REV3L: variants seen among roughly 807,000 people sequenced by gnomAD.
The protein encoded by REV3L is REV3 like, DNA directed polymerase zeta catalytic subunit.
A neutral mutation model predicts 299.4 loss-of-function variants in REV3L; 69 were observed. The ratio of observed to expected loss-of-function variants is 0.23; its 90% CI spans 0.19 to 0.28. The LOEUF (loss-of-function observed/expected upper bound fraction) is 0.28, where lower values mean the gene tolerates loss of function less well. REV3L is among the 10% of genes least tolerant of loss of function. The pLI is 1.00. For missense variants in REV3L, 3,128 were observed against 3,693.8 expected, an observed-to-expected ratio of 0.85 and a Z score of 3.97; for synonymous variants, 1,238 against 1,271.4, an observed-to-expected ratio of 0.97 and a Z score of 0.56.
intron 9 of REV3L, among the ~76,000 whole-genome samples, chr6:111,383,222 G>C (rs1262625473): frequency 6.6e-6 from 1 of 152,178 alleles, no homozygotes; most frequent in East Asian, 1.9e-4. Context: ...AACAAGACAA[G>C]GATGCCTAGT....
chr6:111,379,522 A>C (rs1780619706), intron 11 of REV3L, among the ~76,000 whole-genome samples: 1 of 152,230 alleles, frequency 6.6e-6, no homozygotes, highest in South Asian at 2.1e-4. Context: ...ACAAACCACA[A>C]CACCAGTGTT....
At chr6:111,385,476 G>GT in intron 9 of REV3L, among the ~76,000 whole-genome samples, 1 of 152,166 alleles carries the variant, frequency 6.6e-6, no homozygotes, top group South Asian at 2.1e-4. Flanking sequence ...GTAAGCACAC[G>GT]TAAGCCTTAA....
intron 2 of REV3L, among the ~76,000 whole-genome samples, chr6:111,416,034 A>G (rs1259714652): frequency 1.3e-5 from 2 of 152,206 alleles, no homozygotes; most frequent in Non-Finnish European, 2.9e-5. Flanking sequence ...ATAAATTACT[A>G]TATGAATTAC....
At chr6:111,392,622 T>C (rs2128256383) in intron 5 of REV3L, 1 of 268,518 alleles carries the variant, frequency 3.7e-6, no homozygotes, top group Non-Finnish European at 7.0e-6. Flanking sequence ...AAGATGAATG[T>C]TGCAGAAAAG....
intron 11 of REV3L, among the ~76,000 whole-genome samples, chr6:111,378,050 T>C (rs949741188): frequency 6.6e-6 from 1 of 152,242 alleles, no homozygotes. Flanking sequence ...TAACATGTCT[T>C]ACTATAGTAA....
At chr6:111,422,448 T>G (rs1005270072) in intron 1 of REV3L, among the ~76,000 whole-genome samples, 3 of 151,276 alleles carry the variant, frequency 2.0e-5, no homozygotes, top group African/African-American at 7.3e-5. Context: ...GTGTATTTCC[T>G]AGTATAAGAA....
chr6:111,303,701 C>CTTTTTTTTTTTTTTT lies in REV3L; in HGVS notation c.9253-3560_9253-3546dup, dbSNP rs58366929. On this transcript the variant is annotated intron_variant, in intron 31 of 31. Transcript: ENST00000368802. Reference sequence around the variant, plus strand: ...TTTTTTTTTTTTTAACAGACTATGACTTTTTTTTTTTTTTTTTTTTTTTTT... The same window carrying CTTTTTTTTTTTTTTT: ...TTTTTTTTTTTTTAACAGACTATGACTTTTTTTTTTTTTTTTTTTTTTTTTTTTTTTTTTTTTTTT... 6.3e-4 allele frequency among the ~76,000 whole-genome samples: 8 copies of CTTTTTTTTTTTTTTT among 12,644 alleles called. 1 individual carries two copies. Among genetic ancestry groups the CTTTTTTTTTTTTTTT allele is most frequent in the African/African-American group, 1.2e-3 (5 of 4,208 alleles). The allele number at this position is 12,644 out of a possible 152,430, so 8.3% of individuals were successfully genotyped here. A position where few individuals can be genotyped will look rare whatever the true frequency, so the allele number is the denominator to read the frequency against.
intron 1 of REV3L, among the ~76,000 whole-genome samples, chr6:111,417,139 C>A (rs901977670): frequency 2.6e-5 from 4 of 152,084 alleles, no homozygotes; most frequent in Non-Finnish European, 4.4e-5. Context: ...CCAACATGCA[C>A]ACTTCTCAGA....
At chr6:111,387,377 T>C (rs1394473247) in intron 9 of REV3L, among the ~76,000 whole-genome samples, 1 of 152,192 alleles carries the variant, frequency 6.6e-6, no homozygotes, top group East Asian at 1.9e-4. Flanking sequence ...CATTGAATTA[T>C]ACGCTTAAAA....
At chr6:111,333,451 C>G in intron 22 of REV3L, 84 bp from the exon 23 acceptor site, 2 of 1,493,094 alleles carry the variant, frequency 1.3e-6, no homozygotes, top group Non-Finnish European at 1.8e-6. Context: ...TGAGGATAAT[C>G]TGCTTTTCAG....
chr6:111,448,074 C>T (rs1025736786), intron 1 of REV3L, among the ~76,000 whole-genome samples: 5 of 152,108 alleles, frequency 3.3e-5, no homozygotes, highest in African/African-American at 1.2e-4. Context: ...AATTTTCTGG[C>T]TCCTTGGGGC....
intron 9 of REV3L, among the ~76,000 whole-genome samples, chr6:111,384,265 G>C (rs1348389802): frequency 6.6e-6 from 1 of 152,042 alleles, no homozygotes; most frequent in African/African-American, 2.4e-5. Context: ...ATCATATCAA[G>C]TTATTATACA....
chr6:111,396,008 T>C (rs796802706), intron 4 of REV3L, among the ~76,000 whole-genome samples: 12 of 152,250 alleles, frequency 7.9e-5, no homozygotes, highest in African/African-American at 2.6e-4. Context: ...TTGTATATAA[T>C]GAACAATCCT....
At chr6:111,348,273 G>T (rs2114929059) in intron 20 of REV3L, among the ~76,000 whole-genome samples, 1 of 152,192 alleles carries the variant, frequency 6.6e-6, no homozygotes, top group Non-Finnish European at 1.5e-5. Flanking sequence ...TCAAATAAGA[G>T]AAATTGGGTA....
At chr6:111,388,751 T>C (rs973296307) in intron 7 of REV3L, among the ~76,000 whole-genome samples, 8 of 152,218 alleles carry the variant, frequency 5.3e-5, no homozygotes, top group Non-Finnish European at 8.8e-5. Flanking sequence ...TATTAAACAG[T>C]GTTTCTAAGT....
intron 30 of REV3L, chr6:111,309,610 A>G (rs1772732823): frequency 5.7e-6 from 2 of 349,770 alleles, no homozygotes; most frequent in Non-Finnish European, 1.0e-5. Flanking sequence ...GAAAATGGTA[A>G]CATTTGGGCA....
intron 1 of REV3L, among the ~76,000 whole-genome samples, chr6:111,440,636 G>A (rs1440044680): frequency 6.6e-6 from 1 of 152,086 alleles, no homozygotes; most frequent in Non-Finnish European, 1.5e-5. Flanking sequence ...TATCAGTTAA[G>A]AACAAGAAAA....
rs1780476892 is a variant in REV3L, at chr6:111,377,951, T to A, written c.1455-108A>T. The A allele has an allele frequency of 4.8e-6, 4 of 840,704 alleles. No individual in the cohort carries two copies. In the Admixed American group the frequency reaches 1.4e-4, roughly 28 times the overall value. 52.1% of individuals were successfully genotyped at this position (840,704 alleles called of 1,614,324 possible). A position where few individuals can be genotyped will look rare whatever the true frequency, so the allele number is the denominator to read the frequency against. On this transcript the variant is annotated intron_variant, in intron 11 of 31. Coordinates refer to ENST00000368802, the MANE Select transcript of REV3L (RefSeq NM_001372078.1). ...TATAATAATGTATCTAAGTTAACTA[T>A]AATAATGTATCTAAGTTACTCTATA...
At chr6:111,309,693 C>A (rs1446884306) in intron 30 of REV3L, 160 bp downstream of exon 30, 33 of 731,500 alleles carry the variant, frequency 4.5e-5, no homozygotes, top group Non-Finnish European at 6.6e-5. Flanking sequence ...CCTTTCTCTA[C>A]CCAGCACTTC....
Sources: gnomAD v4.1 joint callset for allele counts (sites outside exome capture counted in the v4.1 genomes callset) on GRCh38, gnomAD v4.1.1 for gene constraint, MANE v1.5 for transcripts, NCBI Gene and HGNC (gene_info 2026-07-23, HGNC 2026-07-21) for gene names.